The following ADGRL3 variants were observed in gnomAD, a reference collection of about 807,000 sequenced individuals.
The protein encoded by ADGRL3 is calcium-independent alpha-latrotoxin receptor 3.
In ADGRL3, 62 loss-of-function variants were observed where a neutral mutation model predicts 153.5. That is an observed-to-expected ratio of 0.40 (90% confidence interval 0.33 to 0.50). The LOEUF is 0.50. Ranked by LOEUF, ADGRL3 falls within the 20% of genes least tolerant of loss-of-function variation. ADGRL3 has a pLI of 0.47. For synonymous variants in ADGRL3, 710 were observed against 672.5 expected (o/e 1.06, Z -0.86); for missense variants, 1,641 against 1,859.4 (o/e 0.88, Z 2.16).
At chr4:61,837,806 A>G (rs1180180376) in intron 9 of ADGRL3, among the ~76,000 whole-genome samples, 1 of 152,118 alleles carries the variant, frequency 6.6e-6, no homozygotes. Context: ...AATAATAGTC[A>G]TGGTAGTCTT....
Position 61,947,017 on chromosome 4 carries a change from T to C in ADGRL3, c.2523T>C (p.His841=), listed in dbSNP as rs199995073. 969 of 1,613,814 alleles carry C rather than the reference T, an allele frequency of 6.0e-4. 2 individuals are homozygous for C. Among genetic ancestry groups the C allele is most frequent in the Middle Eastern group, 2.0e-3 (12 of 6,058 alleles). The change falls in exon 16 of 27, where the codon CAT becomes CAC. Residue 841 remains histidine (H), a synonymous_variant. Coordinates refer to ENST00000683033, the MANE Select transcript of ADGRL3 (RefSeq NM_001387552.1). ...KLGTEALSTN[H]SVIVNSPVIT... ...GAACGGAAGCTTTGTCCACAAATCA[T>C]TCTGTTATTGTCAATTCCCCTGTTA...
At chr4:61,996,164 AT>A in intron 19 of ADGRL3, 126 bp from the exon 20 acceptor site, 2 of 650,962 alleles carry the variant, frequency 3.1e-6, no homozygotes, top group Non-Finnish European at 2.8e-6. Flanking sequence ...TGAACAAGCA[AT>A]GTAATATTTC....
rs1235098764 is a variant in ADGRL3 at position 61,732,747 on chromosome 4, C to G, written c.599-7C>G. On this transcript the variant is annotated splice_polypyrimidine_tract_variant and splice_region_variant and intron_variant, in intron 7 of 26. Transcript: ENST00000683033. ...TTTATTTATTTTAACTGTTTCCCTT[C>G]CAACAGTTTTTCTTTGTCCTGGACT... The G allele has an allele frequency of 2.7e-6, 4 of 1,462,578 alleles. No homozygotes were observed. In the East Asian group the frequency reaches 9.9e-5, roughly 36 times the overall value. 90.6% of individuals were successfully genotyped at this position (1,462,578 alleles called of 1,614,324 possible). A position where few individuals can be genotyped will look rare whatever the true frequency, so the allele number is the denominator to read the frequency against.
chr4:61,747,363 C>G (rs969706016), intron 8 of ADGRL3, among the ~76,000 whole-genome samples: 3 of 151,970 alleles, frequency 2.0e-5, no homozygotes, highest in Non-Finnish European at 4.4e-5. Context: ...TTTTATGAGG[C>G]CAGCATCATC....
intron 17 of ADGRL3, among the ~76,000 whole-genome samples, chr4:61,961,933 C>G (rs1339626542): frequency 6.6e-6 from 1 of 151,868 alleles, no homozygotes; most frequent in African/African-American, 2.4e-5. Context: ...ACTCATATAC[C>G]CCTTTTTCTG....
chr4:61,594,613 T>C (rs893766634), intron 5 of ADGRL3, among the ~76,000 whole-genome samples: 4 of 152,270 alleles, frequency 2.6e-5, no homozygotes, highest in African/African-American at 4.8e-5. Context: ...CTCAAACATA[T>C]TGAGTGTCTC....
At chr4:61,274,678 A>T (rs2093376242) in intron 1 of ADGRL3, among the ~76,000 whole-genome samples, 3 of 152,126 alleles carry the variant, frequency 2.0e-5, no homozygotes, top group Admixed American at 2.0e-4. Context: ...AAATGGAGTG[A>T]TTTTGGAGGC....
chr4:61,898,049 A>G (rs1218246337), intron 11 of ADGRL3, among the ~76,000 whole-genome samples: 2 of 152,156 alleles, frequency 1.3e-5, no homozygotes, highest in African/African-American at 4.8e-5. Flanking sequence ...AAAGGAATCC[A>G]GGAGAATGAA....
intron 1 of ADGRL3, among the ~76,000 whole-genome samples, chr4:61,276,690 C>A (rs1179182802): frequency 6.6e-6 from 1 of 151,916 alleles, no homozygotes; most frequent in African/African-American, 2.4e-5. Context: ...AGACAGTCTT[C>A]CCATTTTGTT....
At chr4:61,253,530 ATTG>A (rs1340665090) in intron 1 of ADGRL3, among the ~76,000 whole-genome samples, 1 of 152,202 alleles carries the variant, frequency 6.6e-6, no homozygotes, top group Admixed American at 6.5e-5. Context: ...ACCAAGAGGA[ATTG>A]TTGTCTGATT....
intron 3 of ADGRL3, among the ~76,000 whole-genome samples, chr4:61,498,263 A>C (rs2098342662): frequency 6.6e-6 from 1 of 152,168 alleles, no homozygotes; most frequent in Non-Finnish European, 1.5e-5. Context: ...AAAAAATCAA[A>C]AGAACGGCTG....
chr4:61,979,418 A>C (rs2099059637), intron 17 of ADGRL3, 145 bp from the exon 18 acceptor site: 2 of 706,966 alleles, frequency 2.8e-6, no homozygotes. Flanking sequence ...GAGAAAACCC[A>C]AATCATTAAG....
chr4:61,572,782 T>C (rs1011643750), intron 4 of ADGRL3, among the ~76,000 whole-genome samples: 16 of 152,008 alleles, frequency 1.1e-4, no homozygotes, highest in African/African-American at 2.2e-4. Flanking sequence ...TTAATTTGTG[T>C]CATGCAAAAT....
At chr4:61,608,746 T>C (rs2099042485) in intron 5 of ADGRL3, among the ~76,000 whole-genome samples, 1 of 152,184 alleles carries the variant, frequency 6.6e-6, no homozygotes, top group African/African-American at 2.4e-5. Context: ...ATAACTTTTA[T>C]TTATCTGTAC....
intron 11 of ADGRL3, among the ~76,000 whole-genome samples, chr4:61,899,380 T>C (rs2098650891): frequency 6.6e-6 from 1 of 152,056 alleles, no homozygotes; most frequent in East Asian, 1.9e-4. Context: ...TGTTGAAAAA[T>C]TGAAGTCAAA....
intron 1 of ADGRL3, among the ~76,000 whole-genome samples, chr4:61,355,688 A>C (rs1027284422): frequency 6.6e-6 from 1 of 152,118 alleles, no homozygotes; most frequent in African/African-American, 2.4e-5. Context: ...CACTCTCTCC[A>C]TAAAATATGT....
intron 8 of ADGRL3, among the ~76,000 whole-genome samples, chr4:61,759,030 A>G (rs1326591045): frequency 6.6e-6 from 1 of 152,084 alleles, no homozygotes; most frequent in South Asian, 2.1e-4. Context: ...TGGCTTGTAG[A>G]GTTTCTGCCG....
intron 8 of ADGRL3, among the ~76,000 whole-genome samples, chr4:61,738,459 A>G (rs999314378): frequency 6.6e-6 from 1 of 152,190 alleles, no homozygotes; most frequent in African/African-American, 2.4e-5. Flanking sequence ...GCAGGGTCAG[A>G]TGGTAGTTCT....
At chr4:61,267,031 ATAG>A (rs2092890400) in intron 1 of ADGRL3, among the ~76,000 whole-genome samples, 1 of 151,724 alleles carries the variant, frequency 6.6e-6, no homozygotes, top group South Asian at 2.1e-4. Context: ...ACTGAGCCTA[ATAG>A]TAGGTTTGAT....
Sources: gnomAD v4.1 joint callset for allele counts (sites outside exome capture counted in the v4.1 genomes callset) on GRCh38, gnomAD v4.1.1 for gene constraint, MANE v1.5 for transcripts, NCBI Gene and HGNC (gene_info 2026-07-23, HGNC 2026-07-21) for gene names.